COL26A1: variants seen among roughly 807,000 people sequenced by gnomAD.
The protein encoded by COL26A1 is collagen type XXVI alpha 1 chain.
In COL26A1, 41 loss-of-function variants were observed where a neutral mutation model predicts 59.3. The ratio of observed to expected loss-of-function variants is 0.69; its 90% CI spans 0.54 to 0.90. The LOEUF (loss-of-function observed/expected upper bound fraction) is 0.90. Among genes scored for constraint, COL26A1 ranks in the 40% least tolerant of loss-of-function variants. The probability of loss-of-function intolerance (pLI) is 0.00; values close to 1 mark genes in which losing one functional copy is unlikely to be tolerated. For synonymous variants in COL26A1, 266 were observed against 256.0 expected (o/e 1.04, Z -0.37); for missense variants, 612 against 602.3 (o/e 1.02, Z -0.17).
At chr7:101,388,092 G>C (rs114345594) in intron 1 of COL26A1, among the ~76,000 whole-genome samples, 2 of 150,714 alleles carry the variant, frequency 1.3e-5, no homozygotes, top group African/African-American at 4.9e-5. Flanking sequence ...CCATTTCCCA[G>C]TGTATAGCAC....
At chr7:101,369,271 G>A (rs1438101441) in intron 1 of COL26A1, among the ~76,000 whole-genome samples, 3 of 151,758 alleles carry the variant, frequency 2.0e-5, no homozygotes, top group African/African-American at 7.3e-5. Context: ...GCTGGGCATG[G>A]TGGCGCATGC....
intron 9 of COL26A1, 28 bp downstream of exon 9, chr7:101,549,251 T>C: frequency 6.4e-7 from 1 of 1,563,688 alleles, no homozygotes; most frequent in Non-Finnish European, 8.8e-7. Flanking sequence ...TTAGGTAGGG[T>C]GTGGGAGGCG....
chr7:101,499,552 C>T (rs536590333), intron 3 of COL26A1, among the ~76,000 whole-genome samples: 8 of 152,072 alleles, frequency 5.3e-5, no homozygotes, highest in South Asian at 2.1e-4. Flanking sequence ...GGCATGGTGG[C>T]GCATGCCTGT....
At chr7:101,400,267 C>T (rs1791960800) in intron 1 of COL26A1, among the ~76,000 whole-genome samples, 1 of 151,764 alleles carries the variant, frequency 6.6e-6, no homozygotes, top group African/African-American at 2.4e-5. Context: ...GCAGGGAGAT[C>T]CTTGCAGAAG....
At chr7:101,479,912 A>AT (rs1794121404) in intron 3 of COL26A1, among the ~76,000 whole-genome samples, 1 of 152,186 alleles carries the variant, frequency 6.6e-6, no homozygotes. Context: ...AAACATTACA[A>AT]TTCTTCTCTT....
chr7:101,520,533 A>T lies in COL26A1; in HGVS notation c.386-12549A>T, dbSNP rs546109660. On this transcript the variant is annotated intron_variant, in intron 3 of 12. Transcript: ENST00000313669. ...ACTTCGTCTGTACAAAAAAATTTTTAAAAATTAGCTGGGCATGGTGGTGCA... is the reference window on the plus strand; with the variant it reads ...ACTTCGTCTGTACAAAAAAATTTTTTAAAATTAGCTGGGCATGGTGGTGCA... Among the ~76,000 whole-genome samples the T allele has an allele frequency of 1.2e-3, 180 of 152,182 alleles. 3 individuals are homozygous for T. Among genetic ancestry groups the T allele is most frequent in the East Asian group, 3.9e-4 (2 of 5,174 alleles).
chr7:101,529,539 G>A (rs62465089), intron 3 of COL26A1, among the ~76,000 whole-genome samples: 11,462 of 152,156 alleles, frequency 0.075, 573 homozygotes, highest in Middle Eastern at 0.14. Context: ...GATTACAGGC[G>A]TGAGCCACCA....
chr7:101,502,358 A>AAACAAC (rs1352435633), intron 3 of COL26A1, among the ~76,000 whole-genome samples: 1 of 151,156 alleles, frequency 6.6e-6, no homozygotes, highest in Admixed American at 6.6e-5. Context: ...CAACAACAAC[A>AAACAAC]AACAACAACA....
At chr7:101,424,963 C>T (rs1279850922) in intron 2 of COL26A1, among the ~76,000 whole-genome samples, 4 of 152,056 alleles carry the variant, frequency 2.6e-5, no homozygotes, top group African/African-American at 9.7e-5. Flanking sequence ...CCCTTTGTCC[C>T]CCAGGCTGGA....
At chr7:101,524,307 G>A (rs13236602) in intron 3 of COL26A1, among the ~76,000 whole-genome samples, 38,725 of 150,996 alleles carry the variant, frequency 0.26, 5,080 homozygotes, top group Middle Eastern at 0.33. Flanking sequence ...CAGTGACATC[G>A]ATGATTAATC....
chr7:101,402,838 T>G, intron 1 of COL26A1, among the ~76,000 whole-genome samples: 1 of 147,840 alleles, frequency 6.8e-6, no homozygotes, highest in East Asian at 2.1e-4. Flanking sequence ...TTTTCTTTCT[T>G]TCCTCTATCT....
chr7:101,405,240 A>T (rs1187958289), intron 1 of COL26A1, among the ~76,000 whole-genome samples: 1 of 152,118 alleles, frequency 6.6e-6, no homozygotes, highest in Non-Finnish European at 1.5e-5. Context: ...AAAAAAAAAA[A>T]ATTATACTTT....
chr7:101,465,177 A>T (rs1180677921), intron 3 of COL26A1, among the ~76,000 whole-genome samples: 1 of 151,554 alleles, frequency 6.6e-6, no homozygotes, highest in Non-Finnish European at 1.5e-5. Flanking sequence ...AGCTGAGACT[A>T]CAGGTGCACA....
At chr7:101,385,367 GTATA>G (rs373941775) in intron 1 of COL26A1, among the ~76,000 whole-genome samples, 11 of 137,000 alleles carry the variant, frequency 8.0e-5, no homozygotes, top group African/African-American at 1.5e-4. Context: ...ATATATGTGT[GTATA>G]TATATATATA....
chr7:101,534,662 C>A (rs543691097), intron 4 of COL26A1, among the ~76,000 whole-genome samples: 1 of 149,454 alleles, frequency 6.7e-6, no homozygotes, highest in African/African-American at 2.6e-5. Context: ...TATACACACA[C>A]ACACACACAC....
chr7:101,517,978 C>G (rs1420672138), intron 3 of COL26A1, among the ~76,000 whole-genome samples: 1 of 151,810 alleles, frequency 6.6e-6, no homozygotes, highest in Admixed American at 6.6e-5. Context: ...CCAGGCCTAG[C>G]TTGTTCTAAA....
chr7:101,496,134 A>G (rs1207104385), intron 3 of COL26A1, among the ~76,000 whole-genome samples: 1 of 152,160 alleles, frequency 6.6e-6, no homozygotes, highest in Non-Finnish European at 1.5e-5. Context: ...CCCAGTTCCC[A>G]GCAGCCCACG....
At position 101,479,912 on chromosome 7, in the gene COL26A1, A is replaced by G. The variant is rs560796502; in HGVS notation, c.385+32125A>G. Among the ~76,000 whole-genome samples, 318 of 152,304 alleles carry G rather than the reference A, an allele frequency of 2.1e-3. 2 individuals are homozygous for G. Among genetic ancestry groups the G allele is most frequent in the African/African-American group, 7.4e-3 (307 of 41,578 alleles). On this transcript the variant is annotated intron_variant, in intron 3 of 12. Coordinates refer to ENST00000313669, the MANE Select transcript of COL26A1 (RefSeq NM_001278563.3). ...TTTTTCCTGTGTTGGAAACATTACAATTCTTCTCTTTTAGCTATTTTGAAA... is the reference window on the plus strand; with the variant it reads ...TTTTTCCTGTGTTGGAAACATTACAGTTCTTCTCTTTTAGCTATTTTGAAA...
rs1206498676 is a variant in COL26A1, at chr7:101,475,886, CTCTT to C, written c.385+28107_385+28110del. On this transcript the variant is annotated intron_variant, in intron 3 of 12. Coordinates refer to ENST00000313669, the MANE Select transcript of COL26A1 (RefSeq NM_001278563.3). ...TCTCTCTCTTTCTTTCTCTTTCTCT[CTCTT>C]TCTTTCTCTCTCTTTCTCTCTCTCT... is the stretch of plus-strand genomic sequence containing the variant. Among the ~76,000 whole-genome samples, 42 of 138,730 alleles carry C rather than the reference CTCTT, an allele frequency of 3.0e-4. No homozygotes were observed. The South Asian group carries it at 3.3e-3, about 11-fold the overall frequency. 91.0% of individuals were successfully genotyped at this position (138,730 alleles called of 152,430 possible).
Sources: gnomAD v4.1 joint callset for allele counts (sites outside exome capture counted in the v4.1 genomes callset) on GRCh38, gnomAD v4.1.1 for gene constraint, MANE v1.5 for transcripts, NCBI Gene and HGNC (gene_info 2026-07-23, HGNC 2026-07-21) for gene names.